Variants in SCAPER observed in about 807,000 individuals in gnomAD.
SCAPER encodes the protein S phase cyclin A-associated protein in the endoplasmic reticulum.
In SCAPER, 98 loss-of-function variants were observed where a neutral mutation model predicts 182.2. The observed-to-expected ratio is 0.54, with a 90% CI of 0.46 to 0.64. SCAPER has a LOEUF of 0.64. Among genes scored for constraint, SCAPER ranks in the 30% least tolerant of loss-of-function variants. The probability of loss-of-function intolerance (pLI) is 0.00; values close to 1 mark genes in which losing one functional copy is unlikely to be tolerated. For synonymous variants in SCAPER, 605 were observed against 564.6 expected, an observed-to-expected ratio of 1.07 and a Z score of -1.01; for missense variants, 1,432 against 1,690.0, an observed-to-expected ratio of 0.85 and a Z score of 2.68.
At chr15:76,547,268 C>T (rs2144862305) in intron 23 of SCAPER, among the ~76,000 whole-genome samples, 1 of 152,184 alleles carries the variant, frequency 6.6e-6, no homozygotes, top group Admixed American at 6.5e-5. Flanking sequence ...AGTTCATAGA[C>T]CTCTGATTAT....
At chr15:76,516,380 C>T (rs1296245137) in intron 23 of SCAPER, among the ~76,000 whole-genome samples, 4 of 150,822 alleles carry the variant, frequency 2.7e-5, no homozygotes, top group Admixed American at 2.0e-4. Context: ...CCCACCCCAC[C>T]CCCGCAACTG....
chr15:76,607,619 C>G (rs1396145172), intron 22 of SCAPER, among the ~76,000 whole-genome samples: 2 of 152,190 alleles, frequency 1.3e-5, no homozygotes, highest in African/African-American at 2.4e-5. Context: ...TGTTTTCCAA[C>G]TTGGTTCCAT....
chr15:76,419,327 C>A (rs2045865152), intron 26 of SCAPER, among the ~76,000 whole-genome samples: 2 of 135,296 alleles, frequency 1.5e-5, no homozygotes, highest in Admixed American at 8.0e-5. Context: ...GAAACTCCGT[C>A]TCAAAAAGAA....
intron 17 of SCAPER, among the ~76,000 whole-genome samples, chr15:76,718,487 G>A (rs529728508): frequency 2.6e-5 from 4 of 151,822 alleles, no homozygotes; most frequent in East Asian, 3.9e-4. Flanking sequence ...TCAGGAGTTC[G>A]AAAATCAGCC....
rs567566097 is a variant in SCAPER, at chr15:76,563,803, C to T, written c.2838+10355G>A. ...CCAAATCCAGCAACACATCAAAAAGCTTATCCACCATGATGAAGTAGGTCT... is the reference window on the plus strand; with the variant it reads ...CCAAATCCAGCAACACATCAAAAAGTTTATCCACCATGATGAAGTAGGTCT... On this transcript the variant is annotated intron_variant, in intron 23 of 31. Coordinates refer to ENST00000563290, the MANE Select transcript of SCAPER (RefSeq NM_020843.4). Among the ~76,000 whole-genome samples the T allele has an allele frequency of 2.6e-5, 4 of 152,274 alleles. No homozygotes were observed. The South Asian group carries it at 8.3e-4, about 32-fold the overall frequency.
chr15:76,388,263 G>C (rs576621984), intron 27 of SCAPER, among the ~76,000 whole-genome samples: 1 of 152,142 alleles, frequency 6.6e-6, no homozygotes, highest in Non-Finnish European at 1.5e-5. Flanking sequence ...CGGGAGACAC[G>C]TTACTAGAAA....
chr15:76,777,796 T>G (rs2063835763), intron 8 of SCAPER, among the ~76,000 whole-genome samples: 1 of 152,192 alleles, frequency 6.6e-6, no homozygotes, highest in Admixed American at 6.5e-5. Context: ...AAGTTGCTCC[T>G]CAACTTACAA....
At chr15:76,705,726 T>C (rs2059230117) in intron 18 of SCAPER, among the ~76,000 whole-genome samples, 177 bp downstream of exon 18, 1 of 152,104 alleles carries the variant, frequency 6.6e-6, no homozygotes, top group Admixed American at 6.5e-5. Context: ...CCCTACCATA[T>C]CAAAGTAAAC....
At chr15:76,516,372 C>G (rs1555463518) in intron 23 of SCAPER, among the ~76,000 whole-genome samples, 1 of 150,620 alleles carries the variant, frequency 6.6e-6, no homozygotes, top group Middle Eastern at 3.2e-3. Flanking sequence ...CACCACCCCC[C>G]ACCCCACCCC....
chr15:76,594,851 C>T lies in SCAPER; in HGVS notation c.2712-20567G>A, dbSNP rs187893630. Among the ~76,000 whole-genome samples, 16 of 121,454 alleles carry T rather than the reference C, an allele frequency of 1.3e-4. 3 individuals carry two copies. In the East Asian group the frequency reaches 2.6e-3, roughly 20 times the overall value. The allele number at this position is 121,454 out of a possible 152,430, so 79.7% of individuals were successfully genotyped here. ...AGAACTAAATATGGAAAGGAACAAC[C>T]GGTACCAGCCACTGCAAAAACATAT... On this transcript the variant is annotated intron_variant, in intron 22 of 31. Transcript: ENST00000563290.
chr15:76,790,328 G>T (rs1201594294), intron 8 of SCAPER, among the ~76,000 whole-genome samples: 12 of 151,970 alleles, frequency 7.9e-5, no homozygotes, highest in African/African-American at 2.7e-4. Context: ...ATTAAAACAT[G>T]GTCCTCTTTT....
At chr15:76,596,192 A>G (rs2049479937) in intron 22 of SCAPER, among the ~76,000 whole-genome samples, 1 of 120,818 alleles carries the variant, frequency 8.3e-6, no homozygotes, top group African/African-American at 2.5e-5. Context: ...CTATGCAAAT[A>G]AACTAGAAAA....
At chr15:76,566,633 A>G (rs1293592233) in intron 23 of SCAPER, among the ~76,000 whole-genome samples, 3 of 152,134 alleles carry the variant, frequency 2.0e-5, no homozygotes, top group African/African-American at 4.8e-5. Flanking sequence ...GATCGCATTC[A>G]CTTGGACCAA....
At position 76,734,789 on chromosome 15, in the gene SCAPER, T is replaced by C. The variant is rs151297254; in HGVS notation, c.1867-1405A>G. ...TCAGGAGGCTGAGGCAGAGAACTGC[T>C]TGAACCCGGGAGGTAGGGGTTGTAG... On this transcript the variant is annotated intron_variant, in intron 15 of 31. Coordinates refer to ENST00000563290, the MANE Select transcript of SCAPER (RefSeq NM_020843.4). 2.6e-4 allele frequency among the ~76,000 whole-genome samples: 39 copies of C among 152,090 alleles called. No homozygotes were observed. In the East Asian group the frequency reaches 6.0e-3, roughly 24 times the overall value.
intron 21 of SCAPER, among the ~76,000 whole-genome samples, chr15:76,625,492 T>C (rs926107975): frequency 1.3e-5 from 2 of 152,088 alleles, no homozygotes; most frequent in African/African-American, 2.4e-5. Flanking sequence ...TCTCACTTCA[T>C]CCCTGGAGGC....
chr15:76,561,739 C>T (rs529037870), intron 23 of SCAPER, among the ~76,000 whole-genome samples: 52 of 150,934 alleles, frequency 3.4e-4, no homozygotes, highest in South Asian at 1.9e-3. Context: ...GACGGAGTTT[C>T]GCTCCTTTTG....
intron 26 of SCAPER, among the ~76,000 whole-genome samples, chr15:76,433,518 C>CA (rs1567129758): frequency 2.0e-5 from 3 of 151,940 alleles, no homozygotes; most frequent in African/African-American, 4.8e-5. Context: ...ACAACAACAA[C>CA]AAAAAAACAA....
chr15:76,610,166 G>A (rs1372799934), intron 22 of SCAPER, among the ~76,000 whole-genome samples: 5 of 151,992 alleles, frequency 3.3e-5, no homozygotes, highest in African/African-American at 4.8e-5. Context: ...AGCACTGTGC[G>A]CCCACTCCCA....
At chr15:76,665,610 T>C (rs763943198) in intron 21 of SCAPER, 43 bp downstream of exon 21, 1 of 1,537,238 alleles carries the variant, frequency 6.5e-7, no homozygotes, top group Admixed American at 2.3e-5. Context: ...AAAAGATACA[T>C]CACTAAAAGT....
Sources: allele counts gnomAD v4.1 joint callset (sites outside exome capture counted in the v4.1 genomes callset), GRCh38; gene constraint gnomAD v4.1.1; transcripts MANE v1.5; gene names NCBI Gene and HGNC (gene_info 2026-07-23, HGNC 2026-07-21).